ELAVL2: variants seen among roughly 807,000 people sequenced by gnomAD.
ELAVL2 encodes ELAV like RNA binding protein 2.
ELAVL2 carries 4 observed loss-of-function variants against 34.6 expected under a neutral mutation model. The ratio of observed to expected loss-of-function variants is 0.12; its 90% CI spans 0.06 to 0.26. The LOEUF is 0.26. Among genes scored for constraint, ELAVL2 ranks in the 10% least tolerant of loss-of-function variants. The pLI, the probability that ELAVL2 is intolerant of heterozygous loss-of-function variation, is 1.00. For synonymous variants in ELAVL2, 193 were observed against 154.8 expected (o/e 1.25, Z -1.83); for missense variants, 432 against 442.8 (o/e 0.98, Z 0.22).
At chr9:23,772,797 T>C (rs2057534903) in intron 1 of ELAVL2, among the ~76,000 whole-genome samples, 1 of 152,174 alleles carries the variant, frequency 6.6e-6, no homozygotes. Context: ...TGTTGATGTG[T>C]AACGTCCTGA....
intron 1 of ELAVL2, among the ~76,000 whole-genome samples, chr9:23,818,624 G>C (rs1365975538): frequency 6.6e-6 from 1 of 152,142 alleles, no homozygotes; most frequent in Non-Finnish European, 1.5e-5. Flanking sequence ...CCCTTAAAAT[G>C]TCAACAAAAA....
intron 1 of ELAVL2, among the ~76,000 whole-genome samples, chr9:23,803,303 G>A (rs2061794968): frequency 6.6e-6 from 1 of 152,168 alleles, no homozygotes; most frequent in Admixed American, 6.5e-5. Context: ...CTGGTTCTCA[G>A]AAAAGATGCT....
At chr9:23,742,596 G>C (rs1275009181) in intron 2 of ELAVL2, among the ~76,000 whole-genome samples, 1 of 152,146 alleles carries the variant, frequency 6.6e-6, no homozygotes, top group Non-Finnish European at 1.5e-5. Context: ...ATCTGCTATA[G>C]ACCGATATGT....
At chr9:23,814,928 C>G (rs1179745286) in intron 1 of ELAVL2, among the ~76,000 whole-genome samples, 3 of 151,994 alleles carry the variant, frequency 2.0e-5, no homozygotes, top group African/African-American at 7.2e-5. Context: ...TTGCTTTATT[C>G]TGATATACAC....
chr9:23,765,874 A>G (rs927986806), intron 1 of ELAVL2, among the ~76,000 whole-genome samples: 1 of 152,194 alleles, frequency 6.6e-6, no homozygotes, highest in African/African-American at 2.4e-5. Flanking sequence ...ATTTGAAATT[A>G]GTGCTGCTAT....
intron 3 of ELAVL2, among the ~76,000 whole-genome samples, chr9:23,710,274 CA>C (rs1488961041): frequency 2.0e-5 from 3 of 152,138 alleles, no homozygotes; most frequent in Admixed American, 6.5e-5. Flanking sequence ...GGCTATCAAA[CA>C]CAAGTTGATC....
chr9:23,800,517 G>A (rs1352677725), intron 1 of ELAVL2, among the ~76,000 whole-genome samples: 1 of 152,134 alleles, frequency 6.6e-6, no homozygotes, highest in Non-Finnish European at 1.5e-5. Flanking sequence ...CTTATTCAAG[G>A]ATGAAGTGAA....
chr9:23,771,595 G>A (rs1588320630), intron 1 of ELAVL2, among the ~76,000 whole-genome samples: 1 of 152,078 alleles, frequency 6.6e-6, no homozygotes, highest in East Asian at 1.9e-4. Flanking sequence ...ATTCATTTAG[G>A]AGCAAATATA....
At chr9:23,786,802 A>AAAAAAAAAAAAC (rs1554747169) in intron 1 of ELAVL2, among the ~76,000 whole-genome samples, 3 of 127,328 alleles carry the variant, frequency 2.4e-5, no homozygotes, top group Non-Finnish European at 3.3e-5. Flanking sequence ...AAAAAAAAAA[A>AAAAAAAAAAAAC]AGAGAGAGAG....
chr9:23,840,656 G>C, the ELAVL2 span, among the ~76,000 whole-genome samples: 2 of 152,120 alleles, frequency 1.3e-5, no homozygotes, highest in African/African-American at 2.4e-5. Context: ...GAATAAGTGT[G>C]ATTTTCTACA....
At chr9:23,821,746 C>G (rs1374082544) in intron 1 of ELAVL2, 1 of 149,406 alleles carries the variant, frequency 6.7e-6, no homozygotes, top group Non-Finnish European at 1.5e-5. Flanking sequence ...CCGGCGGAAC[C>G]CCCGCCCCAC....
At chr9:23,704,291 A>G (rs2038554080) in intron 4 of ELAVL2, among the ~76,000 whole-genome samples, 1 of 152,120 alleles carries the variant, frequency 6.6e-6, no homozygotes, top group Non-Finnish European at 1.5e-5. Flanking sequence ...TTCATAATCA[A>G]ATCTATATTG....
chr9:23,754,788 G>A (rs2053136601), intron 2 of ELAVL2, among the ~76,000 whole-genome samples: 1 of 152,080 alleles, frequency 6.6e-6, no homozygotes, highest in Non-Finnish European at 1.5e-5. Context: ...TTTAGGCTGA[G>A]GAAAATAAGA....
intron 1 of ELAVL2, among the ~76,000 whole-genome samples, chr9:23,810,393 T>C (rs992982494): frequency 6.6e-6 from 1 of 151,822 alleles, no homozygotes; most frequent in Non-Finnish European, 1.5e-5. Context: ...GGGACCACAG[T>C]GAAGCTTTAA....
chr9:23,777,345 A>G (rs1210791919), intron 1 of ELAVL2, among the ~76,000 whole-genome samples: 1 of 89,650 alleles, frequency 1.1e-5, no homozygotes, highest in Non-Finnish European at 2.5e-5. Context: ...GTGTAGATCT[A>G]CTCAAATGCC....
chr9:23,749,820 A>G (rs546593015), intron 2 of ELAVL2, among the ~76,000 whole-genome samples: 50 of 152,156 alleles, frequency 3.3e-4, no homozygotes, highest in African/African-American at 9.4e-4. Flanking sequence ...AGAGGTTTCT[A>G]TGTGTGGTGG....
chr9:23,838,211 T>A, the ELAVL2 span, among the ~76,000 whole-genome samples: 21 of 152,152 alleles, frequency 1.4e-4, no homozygotes, highest in African/African-American at 5.1e-4. Context: ...GTTACTTTTT[T>A]TTTTACATTT....
chr9:23,766,996 C>T (rs1276969779), intron 1 of ELAVL2, among the ~76,000 whole-genome samples: 1 of 152,198 alleles, frequency 6.6e-6, no homozygotes, highest in Non-Finnish European at 1.5e-5. Context: ...TTAGACATCA[C>T]TTGTGCCAAT....
intron 3 of ELAVL2, among the ~76,000 whole-genome samples, chr9:23,707,105 T>C (rs926387978): frequency 2.0e-5 from 3 of 152,190 alleles, no homozygotes; most frequent in Non-Finnish European, 4.4e-5. Flanking sequence ...CATACGCTAT[T>C]TGTTTTCTCT....
Sources: gnomAD v4.1 joint callset for allele counts (sites outside exome capture counted in the v4.1 genomes callset) on GRCh38, gnomAD v4.1.1 for gene constraint, MANE v1.5 for transcripts, NCBI Gene and HGNC (gene_info 2026-07-23, HGNC 2026-07-21) for gene names.